The following CHD9 variants were observed in gnomAD, a reference collection of about 807,000 sequenced individuals.
The protein encoded by CHD9 is ATP-dependent chromatin remodeler CHD9.
In CHD9, 77 loss-of-function variants were observed where a neutral mutation model predicts 316.1. That is an observed-to-expected ratio of 0.24 (90% CI 0.20 to 0.29). The LOEUF (loss-of-function observed/expected upper bound fraction) is 0.29. Ranked by LOEUF, CHD9 falls within the 10% of genes least tolerant of loss-of-function variation. The pLI is 1.00. For missense variants in CHD9, 2,763 were observed against 3,438.1 expected (o/e 0.80, Z 4.91); for synonymous variants, 1,129 against 1,158.3 (o/e 0.97, Z 0.51).
intron 19 of CHD9, among the ~76,000 whole-genome samples, chr16:53,256,566 A>G (rs913542322): frequency 7.0e-6 from 1 of 143,314 alleles, no homozygotes; most frequent in East Asian, 2.0e-4. Context: ...CAGGTGATCC[A>G]CCCGCCTCGG....
intron 1 of CHD9, among the ~76,000 whole-genome samples, chr16:53,129,893 C>CA (rs1189623903): frequency 6.6e-6 from 1 of 152,158 alleles, no homozygotes; most frequent in Non-Finnish European, 1.5e-5. Flanking sequence ...TTACAGAAGG[C>CA]AAAACCAAGG....
At chr16:53,296,603 G>A (rs896350291) in intron 29 of CHD9, among the ~76,000 whole-genome samples, 7 of 152,014 alleles carry the variant, frequency 4.6e-5, no homozygotes, top group Admixed American at 1.3e-4. Flanking sequence ...ACCATGCCCA[G>A]CTAATTTTAT....
At chr16:53,318,882 A>G (rs1300242292) in intron 37 of CHD9, among the ~76,000 whole-genome samples, 1 of 152,174 alleles carries the variant, frequency 6.6e-6, no homozygotes, top group Non-Finnish European at 1.5e-5. Flanking sequence ...TATCACTGCA[A>G]TTTTCTGTCA....
intron 1 of CHD9, among the ~76,000 whole-genome samples, chr16:53,101,955 C>T (rs752266419): frequency 2.6e-5 from 4 of 152,118 alleles, no homozygotes; most frequent in Non-Finnish European, 4.4e-5. Context: ...GTAAGGACAA[C>T]AGTGTAAGGA....
chr16:53,055,694 C>G (rs1171262677), intron 1 of CHD9, among the ~76,000 whole-genome samples: 1 of 152,140 alleles, frequency 6.6e-6, no homozygotes, highest in African/African-American at 2.4e-5. Flanking sequence ...CCAGTTCGCC[C>G]TCCTCCTCCT....
intron 2 of CHD9, among the ~76,000 whole-genome samples, chr16:53,175,272 AC>A (rs1597291971): frequency 6.6e-6 from 1 of 152,100 alleles, no homozygotes; most frequent in East Asian, 1.9e-4. Flanking sequence ...TAAACCAGTT[AC>A]CTTGGGTTCT....
chr16:53,084,816 C>G (rs1007066973), intron 1 of CHD9, among the ~76,000 whole-genome samples: 2 of 152,134 alleles, frequency 1.3e-5, no homozygotes. Flanking sequence ...GAACATCAGG[C>G]GGTCTTACCC....
chr16:53,324,958 A>G lies in CHD9; in HGVS notation c.*63A>G. 7.3e-7 allele frequency: 1 copy of G among 1,363,674 alleles called. No individual in the cohort carries two copies. 84.5% of individuals were successfully genotyped at this position (1,363,674 alleles called of 1,614,324 possible). A position where few individuals can be genotyped will look rare whatever the true frequency, so the allele number is the denominator to read the frequency against. On this transcript the variant is annotated 3_prime_UTR_variant, in exon 39 of 39. Transcript: ENST00000447540. ...GATTTTTTCTTTAATAATTAATTGT[A>G]AATACCCCAGTGTTGAGTGCATCAA...
intron 1 of CHD9, among the ~76,000 whole-genome samples, chr16:53,117,797 C>T (rs958894856): frequency 1.3e-5 from 2 of 151,638 alleles, no homozygotes; most frequent in Non-Finnish European, 2.9e-5. Context: ...CTGGAGAAAT[C>T]AAATATGTGC....
intron 12 of CHD9, among the ~76,000 whole-genome samples, chr16:53,239,896 T>C (rs933317643): frequency 1.3e-5 from 2 of 152,154 alleles, no homozygotes; most frequent in Non-Finnish European, 2.9e-5. Flanking sequence ...CTATTTTCAA[T>C]TGAAGAATAA....
At chr16:53,285,749 T>G in intron 25 of CHD9, 50 bp downstream of exon 25, 1 of 946,944 alleles carries the variant, frequency 1.1e-6, no homozygotes, top group Non-Finnish European at 1.6e-6. Context: ...ATAAGGCAGT[T>G]CTGTCAGTTC....
chr16:53,247,084 G>C (rs1454563853), intron 15 of CHD9, among the ~76,000 whole-genome samples: 1 of 152,198 alleles, frequency 6.6e-6, no homozygotes, highest in Non-Finnish European at 1.5e-5. Flanking sequence ...AGATGTTTAA[G>C]ACCTTGTCTG....
At chr16:53,313,257 A>AG (rs397823463) in intron 34 of CHD9, among the ~76,000 whole-genome samples, 1 of 150,974 alleles carries the variant, frequency 6.6e-6, no homozygotes, top group African/African-American at 2.4e-5. Flanking sequence ...TGAAAAAAAA[A>AG]GAGCACAAGA....
At chr16:53,260,248 G>A (rs779000998) in intron 19 of CHD9, among the ~76,000 whole-genome samples, 42 of 152,300 alleles carry the variant, frequency 2.8e-4, no homozygotes, top group Non-Finnish European at 5.3e-4. Flanking sequence ...GGAGGCCAAG[G>A]CAGGAAGATC....
intron 2 of CHD9, among the ~76,000 whole-genome samples, chr16:53,167,644 C>T (rs1219821604): frequency 6.6e-6 from 1 of 151,948 alleles, no homozygotes; most frequent in African/African-American, 2.4e-5. Flanking sequence ...ATTTGACAAT[C>T]TGTAATTATT....
chr16:53,200,252 T>C (rs1255256554), intron 2 of CHD9, among the ~76,000 whole-genome samples: 1 of 151,650 alleles, frequency 6.6e-6, no homozygotes, highest in African/African-American at 2.4e-5. Context: ...GCACCTATAG[T>C]CCCAGCTACT....
intron 1 of CHD9, among the ~76,000 whole-genome samples, chr16:53,124,762 G>A (rs1218035481): frequency 6.6e-6 from 1 of 152,086 alleles, no homozygotes; most frequent in Non-Finnish European, 1.5e-5. Context: ...TTACAGGTGT[G>A]AGCCACCACA....
At chr16:53,317,709 A>G (rs960649124) in intron 36 of CHD9, among the ~76,000 whole-genome samples, 4 of 152,114 alleles carry the variant, frequency 2.6e-5, no homozygotes, top group Non-Finnish European at 4.4e-5. Flanking sequence ...GCCCGGGCTT[A>G]ACTTTTTTAA....
At chr16:53,117,982 C>T (rs185688814) in intron 1 of CHD9, among the ~76,000 whole-genome samples, 1,767 of 152,028 alleles carry the variant, frequency 0.012, 19 homozygotes, top group Non-Finnish European at 0.018. Flanking sequence ...CCCGCCACCA[C>T]GCCCAGCTAA....
Sources: allele counts gnomAD v4.1 joint callset (sites outside exome capture counted in the v4.1 genomes callset), GRCh38; gene constraint gnomAD v4.1.1; transcripts MANE v1.5; gene names NCBI Gene and HGNC (gene_info 2026-07-23, HGNC 2026-07-21).